CNTN5: variants seen among roughly 807,000 people sequenced by gnomAD.
CNTN5 encodes the protein contactin-5.
In CNTN5, 77 loss-of-function variants were observed where a neutral mutation model predicts 129.1. That is an observed-to-expected ratio of 0.60 (90% CI 0.50 to 0.72). The LOEUF is 0.72. Ranked by LOEUF, CNTN5 falls within the 30% of genes least tolerant of loss-of-function variation. The pLI is 0.00. For synonymous variants in CNTN5, 509 were observed against 465.6 expected (o/e 1.09, Z -1.20); for missense variants, 1,478 against 1,328.8 (o/e 1.11, Z -1.75).
At chr11:99,488,097 T>G (rs1224856298) in intron 2 of CNTN5, among the ~76,000 whole-genome samples, 1 of 152,120 alleles carries the variant, frequency 6.6e-6, no homozygotes, top group Non-Finnish European at 1.5e-5. Context: ...TCTTATTTAT[T>G]TATTTTTTCT....
chr11:99,846,064 A>G (rs6590363), intron 6 of CNTN5, among the ~76,000 whole-genome samples: 34,087 of 151,626 alleles, frequency 0.22, 3,879 homozygotes, highest in South Asian at 0.26. Flanking sequence ...GATTTTGACT[A>G]TATCTCCTAG....
chr11:100,289,507 A>C lies in CNTN5; in HGVS notation c.2315-8118A>C, dbSNP rs542170108. ...CATATAAACAGAGCCAAAGACAAAA[A>C]CCACATGATTATCTCAATAGCAGCA... is the stretch of plus-strand genomic sequence containing the variant. On this transcript the variant is annotated intron_variant, in intron 18 of 24. Transcript: ENST00000524871. Among the ~76,000 whole-genome samples the C allele has an allele frequency of 2.8e-4, 43 of 152,126 alleles. No homozygotes were observed. In the South Asian group the frequency reaches 8.7e-3, roughly 31 times the overall value.
chr11:99,550,959 T>A (rs1188075167), intron 2 of CNTN5, among the ~76,000 whole-genome samples: 1 of 152,158 alleles, frequency 6.6e-6, no homozygotes, highest in African/African-American at 2.4e-5. Context: ...AAAGTTTGTT[T>A]AAGGCTAAAG....
intron 1 of CNTN5, among the ~76,000 whole-genome samples, chr11:99,066,291 A>T (rs1341062382): frequency 6.6e-6 from 1 of 151,714 alleles, no homozygotes; most frequent in Non-Finnish European, 1.5e-5. Flanking sequence ...TTTACTGGAG[A>T]TGGGGTTTCA....
chr11:100,004,357 C>G (rs966878156), intron 9 of CNTN5, among the ~76,000 whole-genome samples: 2 of 152,114 alleles, frequency 1.3e-5, no homozygotes, highest in East Asian at 1.9e-4. Context: ...TCTCTCTCCC[C>G]CTGTTCTTTC....
At chr11:99,291,994 A>G (rs2135921926) in intron 1 of CNTN5, among the ~76,000 whole-genome samples, 2 of 152,198 alleles carry the variant, frequency 1.3e-5, no homozygotes, top group Middle Eastern at 3.4e-3. Context: ...TATTTGATGT[A>G]ACAAAGTTGA....
chr11:99,201,856 C>A (rs545099684), intron 1 of CNTN5, among the ~76,000 whole-genome samples: 22 of 152,254 alleles, frequency 1.4e-4, no homozygotes, highest in African/African-American at 4.6e-4. Flanking sequence ...ATAGCCCTGC[C>A]AACACCTGGA....
intron 9 of CNTN5, among the ~76,000 whole-genome samples, chr11:100,004,497 A>C (rs1341479631): frequency 6.6e-6 from 1 of 152,104 alleles, no homozygotes; most frequent in African/African-American, 2.4e-5. Flanking sequence ...TCCCTTTTTT[A>C]CAGTCCTTAA....
chr11:99,466,485 T>C (rs1944948360), intron 2 of CNTN5, among the ~76,000 whole-genome samples: 1 of 152,178 alleles, frequency 6.6e-6, no homozygotes, highest in African/African-American at 2.4e-5. Context: ...CAATCTTTCT[T>C]TGATTTTTAT....
intron 13 of CNTN5, among the ~76,000 whole-genome samples, chr11:100,098,666 T>C (rs546524128): frequency 1.3e-5 from 2 of 152,060 alleles, no homozygotes; most frequent in African/African-American, 4.8e-5. Flanking sequence ...TAAAGCTGAG[T>C]GGTTTCTAAT....
At chr11:100,184,425 G>C (rs1948233040) in intron 13 of CNTN5, among the ~76,000 whole-genome samples, 2 of 152,138 alleles carry the variant, frequency 1.3e-5, no homozygotes, top group Admixed American at 1.3e-4. Context: ...TGTCCACCCT[G>C]ATATGATACC....
At chr11:99,625,304 C>A (rs145863474) in intron 3 of CNTN5, among the ~76,000 whole-genome samples, 7 of 152,146 alleles carry the variant, frequency 4.6e-5, no homozygotes, top group African/African-American at 1.7e-4. Flanking sequence ...ACTTTTGTTA[C>A]CTCTAAGTCA....
chr11:100,080,785 A>G (rs1180601989), intron 13 of CNTN5, among the ~76,000 whole-genome samples: 12 of 152,186 alleles, frequency 7.9e-5, no homozygotes, highest in Admixed American at 2.0e-4. Flanking sequence ...AAGAAATTGT[A>G]TAATGAAAGA....
intron 1 of CNTN5, among the ~76,000 whole-genome samples, chr11:99,290,393 G>A (rs1472982929): frequency 6.6e-6 from 1 of 151,660 alleles, no homozygotes; most frequent in African/African-American, 2.4e-5. Flanking sequence ...ACACCTCCAG[G>A]AATTCTTAAA....
At chr11:100,242,749 G>A (rs1244138432) in intron 16 of CNTN5, among the ~76,000 whole-genome samples, 2 of 152,184 alleles carry the variant, frequency 1.3e-5, no homozygotes, top group Non-Finnish European at 2.9e-5. Context: ...AATTTGACAT[G>A]AGATTTGGGT....
intron 2 of CNTN5, among the ~76,000 whole-genome samples, chr11:99,441,633 A>G (rs1399190816): frequency 8.5e-5 from 13 of 152,176 alleles, no homozygotes; most frequent in Non-Finnish European, 4.4e-5. Context: ...CACCAAAGTA[A>G]CTTATGAGAG....
At chr11:99,971,821 T>A (rs1951264451) in intron 8 of CNTN5, among the ~76,000 whole-genome samples, 2 of 151,480 alleles carry the variant, frequency 1.3e-5, no homozygotes, top group Non-Finnish European at 2.9e-5. Context: ...CATTTTTAAA[T>A]TATAATATTT....
At chr11:99,274,157 A>C (rs1375479056) in intron 1 of CNTN5, among the ~76,000 whole-genome samples, 1 of 151,756 alleles carries the variant, frequency 6.6e-6, no homozygotes, top group African/African-American at 2.4e-5. Context: ...TCCATTTTGC[A>C]GTGCTATTTC....
At chr11:100,070,836 A>G (rs895980203) in intron 11 of CNTN5, among the ~76,000 whole-genome samples, 17 of 152,124 alleles carry the variant, frequency 1.1e-4, no homozygotes, top group African/African-American at 4.1e-4. Context: ...ATTTTTTGGT[A>G]ATACAGTGTT....
Sources: gnomAD v4.1 joint callset for allele counts (sites outside exome capture counted in the v4.1 genomes callset) on GRCh38, gnomAD v4.1.1 for gene constraint, MANE v1.5 for transcripts, NCBI Gene and HGNC (gene_info 2026-07-23, HGNC 2026-07-21) for gene names.